Variants in CAMK1D observed in about 807,000 individuals in gnomAD.
The protein encoded by CAMK1D is calcium/calmodulin dependent protein kinase ID.
In CAMK1D, 9 loss-of-function variants were observed where a neutral mutation model predicts 47.7. That is an observed-to-expected ratio of 0.19 (90% CI 0.11 to 0.33). The LOEUF (loss-of-function observed/expected upper bound fraction) is 0.33, where lower values mean the gene tolerates loss of function less well. Ranked by LOEUF, CAMK1D falls within the 10% of genes least tolerant of loss-of-function variation. The pLI is 1.00. For synonymous variants in CAMK1D, 184 were observed against 184.9 expected (o/e 0.99, Z 0.04); for missense variants, 291 against 488.7 (o/e 0.60, Z 3.81).
At chr10:12,411,265 G>A (rs1839646618) in intron 1 of CAMK1D, among the ~76,000 whole-genome samples, 1 of 152,200 alleles carries the variant, frequency 6.6e-6, no homozygotes, top group African/African-American at 2.4e-5. Context: ...TCTGAGCTCA[G>A]AAGTTTCTGA....
chr10:12,686,840 G>A (rs958610780), intron 3 of CAMK1D, among the ~76,000 whole-genome samples: 4 of 152,042 alleles, frequency 2.6e-5, no homozygotes, highest in African/African-American at 9.7e-5. Flanking sequence ...GGCTCTATTT[G>A]TACTTCTTCC....
At chr10:12,619,818 C>T (rs745684136) in intron 2 of CAMK1D, among the ~76,000 whole-genome samples, 1 of 152,032 alleles carries the variant, frequency 6.6e-6, no homozygotes, top group Non-Finnish European at 1.5e-5. Flanking sequence ...TCATGGTGCT[C>T]TTTTGTAGCA....
chr10:12,492,299 C>T (rs10906158), intron 1 of CAMK1D, among the ~76,000 whole-genome samples: 31,959 of 145,938 alleles, frequency 0.22, 3,496 homozygotes, highest in African/African-American at 0.24. Flanking sequence ...ACAGAGAAAT[C>T]AAACCGTGGG....
At chr10:12,799,084 A>T (rs757700520) in intron 6 of CAMK1D, among the ~76,000 whole-genome samples, 1 of 152,168 alleles carries the variant, frequency 6.6e-6, no homozygotes, top group Admixed American at 6.5e-5. Context: ...ATTCCATCGT[A>T]CACCAGCAAG....
In CAMK1D at chr10:12,667,001, C is replaced by T. The variant is rs1840454223; in HGVS notation, c.299+191C>T. 5.2e-6 allele frequency: 3 copies of T among 580,276 alleles called. No homozygotes were observed. In the South Asian group the frequency reaches 6.6e-5, roughly 13 times the overall value. 35.9% of individuals were successfully genotyped at this position (580,276 alleles called of 1,614,324 possible). A position where few individuals can be genotyped will look rare whatever the true frequency, so the allele number is the denominator to read the frequency against. On this transcript the variant is annotated intron_variant, in intron 3 of 10. Coordinates refer to ENST00000619168, the MANE Select transcript of CAMK1D (RefSeq NM_153498.4). ...CTGCACACAGGCGTCTACAGGCCTC[C>T]CTTGCACCAGCCTGCACTGCTGGGC...
chr10:12,568,824 T>A (rs1045229985), intron 2 of CAMK1D, among the ~76,000 whole-genome samples: 1 of 152,172 alleles, frequency 6.6e-6, no homozygotes, highest in Non-Finnish European at 1.5e-5. Flanking sequence ...TGTTTCCTTA[T>A]GCAGATGTGC....
intron 1 of CAMK1D, among the ~76,000 whole-genome samples, chr10:12,493,985 A>G (rs1426292841): frequency 6.6e-6 from 1 of 152,180 alleles, no homozygotes; most frequent in Non-Finnish European, 1.5e-5. Context: ...GAGGGGAAAT[A>G]CGCTGGTGGA....
intron 1 of CAMK1D, among the ~76,000 whole-genome samples, chr10:12,433,365 C>T (rs1266909235): frequency 2.0e-5 from 3 of 152,066 alleles, no homozygotes; most frequent in African/African-American, 4.8e-5. Context: ...ATTTCCTGCT[C>T]CAGGTACAGC....
chr10:12,507,285 A>T (rs1834904770), intron 1 of CAMK1D, among the ~76,000 whole-genome samples: 1 of 152,220 alleles, frequency 6.6e-6, no homozygotes, highest in African/African-American at 2.4e-5. Context: ...TCTGGGACCT[A>T]GTGGCAGTAG....
chr10:12,418,739 T>G (rs574852091), intron 1 of CAMK1D, among the ~76,000 whole-genome samples: 1 of 152,136 alleles, frequency 6.6e-6, no homozygotes, highest in Non-Finnish European at 1.5e-5. Context: ...TTTTAAAAAG[T>G]ATTAAAACGA....
chr10:12,827,332 TC>T (rs1564593787), intron 10 of CAMK1D, among the ~76,000 whole-genome samples: 7 of 70,508 alleles, frequency 9.9e-5, no homozygotes, highest in African/African-American at 1.5e-4. Context: ...TTCTCTCTCT[TC>T]TCTTCCTTCC....
intron 1 of CAMK1D, among the ~76,000 whole-genome samples, chr10:12,435,548 G>A (rs996075578): frequency 1.4e-5 from 2 of 146,480 alleles, no homozygotes; most frequent in African/African-American, 2.8e-5. Context: ...CAAGCAGCCT[G>A]TCTGTTGGCA....
chr10:12,659,090 G>T (rs1203836940), intron 2 of CAMK1D, among the ~76,000 whole-genome samples: 1 of 152,194 alleles, frequency 6.6e-6, no homozygotes, highest in Non-Finnish European at 1.5e-5. Flanking sequence ...CCCACAGCCT[G>T]CCCGTCTGCA....
intron 1 of CAMK1D, among the ~76,000 whole-genome samples, chr10:12,430,846 G>GT (rs1177097835): frequency 1.3e-5 from 2 of 150,736 alleles, no homozygotes; most frequent in Non-Finnish European, 3.0e-5. Flanking sequence ...TGCCTCCTGT[G>GT]TTTAACCGAT....
intron 3 of CAMK1D, among the ~76,000 whole-genome samples, chr10:12,747,512 A>C (rs1346938003): frequency 4.0e-5 from 6 of 151,766 alleles, no homozygotes; most frequent in Non-Finnish European, 5.9e-5. Context: ...GGAGGGGAGC[A>C]GGGGCTGGTC....
intron 1 of CAMK1D, among the ~76,000 whole-genome samples, chr10:12,428,181 T>C (rs1674093891): frequency 1.3e-5 from 2 of 152,006 alleles, no homozygotes; most frequent in Admixed American, 1.3e-4. Context: ...TATCCCGCCA[T>C]CCCCTGACAG....
At chr10:12,719,434 G>GAAAAT (rs1324363586) in intron 3 of CAMK1D, among the ~76,000 whole-genome samples, 4 of 151,628 alleles carry the variant, frequency 2.6e-5, no homozygotes, top group Non-Finnish European at 4.4e-5. Context: ...AAAGAAAAAA[G>GAAAAT]AAAACTGTAA....
intron 3 of CAMK1D, among the ~76,000 whole-genome samples, chr10:12,734,403 TATAC>T (rs1211899064): frequency 3.0e-5 from 2 of 67,598 alleles, no homozygotes; most frequent in Non-Finnish European, 5.3e-5. Context: ...TATATATATA[TATAC>T]ACACACACAC....
intron 3 of CAMK1D, among the ~76,000 whole-genome samples, chr10:12,748,316 T>C (rs962854780): frequency 1.3e-5 from 2 of 152,164 alleles, no homozygotes; most frequent in Non-Finnish European, 2.9e-5. Flanking sequence ...TGCTAAGACA[T>C]TGAGAACAAA....
Sources: allele counts gnomAD v4.1 joint callset (sites outside exome capture counted in the v4.1 genomes callset), GRCh38; gene constraint gnomAD v4.1.1; transcripts MANE v1.5; gene names NCBI Gene and HGNC (gene_info 2026-07-23, HGNC 2026-07-21).